Variants in ADGRG1 observed in about 807,000 individuals in gnomAD.
ADGRG1 encodes adhesion G protein-coupled receptor G1.
Under a neutral mutation model 73.5 loss-of-function variants are expected in ADGRG1, and 53 were observed. The observed-to-expected ratio is 0.72, with a 90% CI of 0.58 to 0.91. ADGRG1 has a LOEUF of 0.91. Ranked by LOEUF, ADGRG1 falls within the 40% of genes least tolerant of loss-of-function variation. The pLI is 0.00. For synonymous variants in ADGRG1, 394 were observed against 374.4 expected (o/e 1.05, Z -0.60); for missense variants, 795 against 871.8 (o/e 0.91, Z 1.11).
intron 1 of ADGRG1, chr16:57,644,379 T>C (rs13330486): frequency 0.43 from 73,063 of 169,250 alleles, 16,135 homozygotes; most frequent in African/African-American, 0.57. Flanking sequence ...CACAGCCATG[T>C]GCACACAGAC....
intron 1 of ADGRG1, chr16:57,642,675 C>T (rs1314408562): frequency 1.0e-6 from 1 of 982,652 alleles, no homozygotes; most frequent in Non-Finnish European, 1.2e-6. Flanking sequence ...CCTGAAAGTG[C>T]TTTGGCAAGT....
At chr16:57,660,681 C>G (rs1209782106) in intron 11 of ADGRG1, 87 bp from the exon 12 acceptor site, 1 of 1,504,606 alleles carries the variant, frequency 6.6e-7, no homozygotes, top group African/African-American at 1.4e-5. Flanking sequence ...TCAGAGGGGC[C>G]CTTGCCCTCC....
chr16:57,655,469 G>A lies in ADGRG1; in HGVS notation c.839G>A (p.Arg280Gln), dbSNP rs778915635. 4.8e-5 allele frequency: 77 copies of A among 1,613,714 alleles called. 1 individual carries two copies. In the Admixed American group the frequency reaches 1.0e-3, roughly 21 times the overall value. Residue 280 changes from arginine to glutamine, a missense_variant, in exon 6 of 14, where the codon CGG (arginine) becomes CAG (glutamine). By Grantham distance (43) the Arg-to-Gln change is conservative (BLOSUM62 1). Transcript: ENST00000562631. ...PRTLFQRTKG[R>Q]SGEAEKRLLL... Reference sequence around the variant, plus strand: ...ACACTCTTCCAGAGGACGAAAGGCCGGAGCGGGGAGGCTGAGAAGAGACTC... The same window carrying A: ...ACACTCTTCCAGAGGACGAAAGGCCAGAGCGGGGAGGCTGAGAAGAGACTC...
intron 13 of ADGRG1, chr16:57,662,970 C>A: frequency 1.0e-6 from 1 of 985,266 alleles, no homozygotes; most frequent in Non-Finnish European, 1.2e-6. Context: ...GGTTATTTAA[C>A]ATTCAAGCCT....
intron 1 of ADGRG1, chr16:57,647,049 C>T (rs1306990862): frequency 8.7e-6 from 7 of 805,012 alleles, no homozygotes; most frequent in Non-Finnish European, 1.0e-5. Context: ...ACTCATGCTA[C>T]ATCCCTGGCG....
At chr16:57,645,883 T>A (rs977583328) in intron 1 of ADGRG1, 1 of 152,210 alleles carries the variant, frequency 6.6e-6, no homozygotes, top group African/African-American at 2.4e-5. Flanking sequence ...TGGCAAGGAA[T>A]GGACGGGTAG....
At chr16:57,633,966 T>G in intron 1 of ADGRG1, 1 of 491,400 alleles carries the variant, frequency 2.0e-6, no homozygotes, top group Non-Finnish European at 2.6e-6. Flanking sequence ...CTGACCCAGG[T>G]TTTGGAGTGA....
chr16:57,646,677 T>C (rs8058865), intron 1 of ADGRG1: 523,122 of 984,072 alleles, frequency 0.53, 139,915 homozygotes, highest in African/African-American at 0.7. Context: ...GGGGCCTTTA[T>C]CAATGCCAGC....
chr16:57,651,414 C>A lies in ADGRG1; in HGVS notation c.279C>A (p.Tyr93Ter). The change falls in exon 3 of 14, where the codon TAC (tyrosine) becomes TAA (stop). Residue 93 changes from tyrosine (Y) to a stop codon, truncating the protein, a stop_gained. Coordinates refer to ENST00000562631, the MANE Select transcript of ADGRG1 (RefSeq NM_201525.4). LOFTEE classifies it high-confidence loss of function. The stretch of plus-strand genomic sequence containing the variant: ...GGGGCCTCTACCACTTCTGCCTCTA[C>A]TGGAACCGACATGCTGGGAGATTAC... ...DPRGLYHFCL[Y>*]WNRHAGRLHL... The A allele has an allele frequency of 6.2e-7, 1 of 1,614,236 alleles. No homozygotes were observed.
upstream of ADGRG1, chr16:57,625,457 T>G: frequency 2.3e-6 from 1 of 436,262 alleles, no homozygotes; most frequent in Non-Finnish European, 3.0e-6. Context: ...GTCCCAGCCC[T>G]TTTCCTGGTC....
chr16:57,632,011 G>A lies in ADGRG1; in HGVS notation c.-36+3209G>A, dbSNP rs184631946. On this transcript the variant is annotated intron_variant, in intron 1 of 13. Transcript: ENST00000562631. ...CCAAACTCTCCCTGGTTCCCTGATGGCTCAGCCTGGATGGGAGCAATCCTG... is the reference window on the plus strand; with the variant it reads ...CCAAACTCTCCCTGGTTCCCTGATGACTCAGCCTGGATGGGAGCAATCCTG... 1.6e-3 allele frequency: 1,595 copies of A among 985,484 alleles called. 24 individuals are homozygous for A. The African/African-American group carries it at 0.026, about 16-fold the overall frequency. 61.0% of individuals were successfully genotyped at this position (985,484 alleles called of 1,614,324 possible). A position where few individuals can be genotyped will look rare whatever the true frequency, so the allele number is the denominator to read the frequency against.
rs1323817473 is a variant in ADGRG1 at position 57,654,407 on chromosome 16, G to A, written c.768+274G>A. Among the ~76,000 whole-genome samples the A allele has an allele frequency of 5.7e-5, 7 of 123,106 alleles. No individual in the cohort carries two copies. The East Asian group carries it at 1.3e-3, about 23-fold the overall frequency. 80.8% of individuals were successfully genotyped at this position (123,106 alleles called of 152,430 possible). ...GACCAGCCCCTAAACGCCTGTCCAC[G>A]CACCCCCCCCCCCCGTTTTTTTTTT... On this transcript the variant is annotated intron_variant, in intron 5 of 13. Coordinates refer to ENST00000562631, the MANE Select transcript of ADGRG1 (RefSeq NM_201525.4).
At chr16:57,635,890 G>C in intron 1 of ADGRG1, 1 of 985,348 alleles carries the variant, frequency 1.0e-6, no homozygotes, top group Non-Finnish European at 1.2e-6. Context: ...CCTCCTCATA[G>C]AGTGGCCCTG....
intron 1 of ADGRG1, among the ~76,000 whole-genome samples, chr16:57,644,442 T>C (rs1482392516): frequency 8.0e-6 from 1 of 125,462 alleles, no homozygotes; most frequent in Non-Finnish European, 1.6e-5. Context: ...CCTCACACAT[T>C]CATGCACATG....
chr16:57,653,293 C>T lies in ADGRG1; in HGVS notation c.578C>T (p.Pro193Leu). Residue 193 changes from proline to leucine, a missense_variant, in exon 4 of 14, where the codon CCC (proline) becomes CTC (leucine). Transcript: ENST00000562631. ...CTGCTCAGCCAGTTCCTGAAGCATC[C>T]CCAGAAGGCCTCAAGGAGGCCCTCG... ...LQLLSQFLKH[P>L]QKASRRPSAA... The T allele has an allele frequency of 6.2e-7, 1 of 1,612,504 alleles. No individual in the cohort carries two copies. The highest frequency in any genetic ancestry group is 8.5e-7 in the Non-Finnish European group (1 of 1,179,962).
At chr16:57,658,949 G>A in intron 10 of ADGRG1, 1 of 983,070 alleles carries the variant, frequency 1.0e-6, no homozygotes, top group Non-Finnish European at 1.2e-6. Context: ...TCCTGGAGTG[G>A]GGGTGGGGTG....
At position 57,648,707 on chromosome 16, in the gene ADGRG1, T is replaced by G. The variant is rs1051581413; in HGVS notation, c.-35-1546T>G. On this transcript the variant is annotated intron_variant, in intron 1 of 13. Transcript: ENST00000562631. ...TGTTCTCCGGCTTGTGGCCGATGAC[T>G]GCCTCTGTCACTGTGGCCAGCTGCC... 5 of 984,502 alleles carry G rather than the reference T, an allele frequency of 5.1e-6. No individual in the cohort carries two copies. The African/African-American group carries it at 8.7e-5, about 17-fold the overall frequency. 61.0% of individuals were successfully genotyped at this position (984,502 alleles called of 1,614,324 possible).
Position 57,635,044 on chromosome 16 carries a change from C to A in ADGRG1, c.-36+6242C>A, listed in dbSNP as rs1403095181. The A allele has an allele frequency of 7.1e-6, 7 of 985,148 alleles. No homozygotes were observed. In the Admixed American group the frequency reaches 2.5e-4, roughly 35 times the overall value. 61.0% of individuals were successfully genotyped at this position (985,148 alleles called of 1,614,324 possible). A position where few individuals can be genotyped will look rare whatever the true frequency, so the allele number is the denominator to read the frequency against. ...GGAGGGAGCAGAGGGGGAGAGGGAC[C>A]CAGCTGAAGAGGACTGGAGTGAACA... On this transcript the variant is annotated intron_variant, in intron 1 of 13. Transcript: ENST00000562631.
At chr16:57,653,487 C>T in intron 4 of ADGRG1, 152 bp downstream of exon 4, 1 of 1,476,928 alleles carries the variant, frequency 6.8e-7, no homozygotes, top group Non-Finnish European at 8.9e-7. Flanking sequence ...TGGGAGTCAA[C>T]ACATGCCCCC....
Sources: allele counts gnomAD v4.1 joint callset (sites outside exome capture counted in the v4.1 genomes callset), GRCh38; gene constraint gnomAD v4.1.1; transcripts MANE v1.5; gene names NCBI Gene and HGNC (gene_info 2026-07-23, HGNC 2026-07-21).